Variants in CNTNAP3 observed in about 807,000 individuals in gnomAD.
The protein encoded by CNTNAP3 is contactin-associated protein-like 3.
Under a neutral mutation model 92.1 loss-of-function variants are expected in CNTNAP3, and 36 were observed. That is an observed-to-expected ratio of 0.39 (90% CI 0.30 to 0.52). The LOEUF is 0.52. Ranked by LOEUF, CNTNAP3 falls within the 20% of genes least tolerant of loss-of-function variation. CNTNAP3 has a pLI of 0.76. For synonymous variants in CNTNAP3, 232 were observed against 422.3 expected (o/e 0.55, Z 5.53); for missense variants, 534 against 1,069.6 (o/e 0.50, Z 6.98).
chr9:39,148,414 C>T (rs1421545476), intron 10 of CNTNAP3, among the ~76,000 whole-genome samples: 1 of 151,986 alleles, frequency 6.6e-6, no homozygotes, highest in Non-Finnish European at 1.5e-5. Context: ...AAATTAAAAC[C>T]TGTTTAGCCA....
chr9:39,118,009 C>A, intron 14 of CNTNAP3, 94 bp downstream of exon 14: 2 of 1,590,114 alleles, frequency 1.3e-6, no homozygotes, highest in East Asian at 2.2e-5. Flanking sequence ...ACTTTAGTTA[C>A]CTTATTGTAC....
intron 14 of CNTNAP3, among the ~76,000 whole-genome samples, chr9:39,115,888 G>T (rs1587715426): frequency 6.6e-6 from 1 of 151,312 alleles, no homozygotes; most frequent in South Asian, 2.1e-4. Flanking sequence ...ACTGCCCTAA[G>T]CATACGTGAA....
At position 39,067,753 on chromosome 9, in the gene CNTNAP3, A is replaced by G. The variant is rs1825541071; in HGVS notation, c.*6137T>C. Among the ~76,000 whole-genome samples, 1 of 152,312 alleles carries G rather than the reference A, an allele frequency of 6.6e-6. No individual in the cohort carries two copies. The highest frequency in any genetic ancestry group is 1.5e-5 in the Non-Finnish European group (1 of 68,058). ...CATGTGAACTTTGCTCAGAGATGCC[A>G]ATTAGTTATTGGAAACGGTTTGATC... On this transcript the variant is annotated 3_prime_UTR_variant, in exon 24 of 24. Coordinates refer to ENST00000297668, the MANE Select transcript of CNTNAP3 (RefSeq NM_033655.5).
chr9:39,124,865 C>T (rs1388913988), intron 13 of CNTNAP3, among the ~76,000 whole-genome samples: 7 of 152,046 alleles, frequency 4.6e-5, no homozygotes, highest in Admixed American at 3.3e-4. Flanking sequence ...ACAACAGGTG[C>T]AGGAGAGGAT....
At chr9:39,147,750 G>A (rs1021894405) in intron 10 of CNTNAP3, among the ~76,000 whole-genome samples, 1 of 152,216 alleles carries the variant, frequency 6.6e-6, no homozygotes, top group East Asian at 1.9e-4. Context: ...TGTAACTCTT[G>A]GGACTTTAAG....
rs1187241398 is a variant in CNTNAP3, at chr9:39,069,644, C to A, written c.*4246G>T. Among the ~76,000 whole-genome samples the A allele has an allele frequency of 3.3e-5, 5 of 152,406 alleles. No homozygotes were observed. The highest frequency in any genetic ancestry group is 9.6e-5 in the African/African-American group (4 of 41,586). ...GGAAGTAGTGCTTCAGTACATTTTC[C>A]CGACGATATGATTAATCCATAATAA... On this transcript the variant is annotated 3_prime_UTR_variant, in exon 24 of 24. Transcript: ENST00000297668.
intron 14 of CNTNAP3, among the ~76,000 whole-genome samples, chr9:39,112,909 A>T (rs939428620): frequency 3.9e-5 from 6 of 152,100 alleles, no homozygotes; most frequent in African/African-American, 1.4e-4. Context: ...TAATTTCCAT[A>T]TGAATTTTAA....
rs368796414 is a variant in CNTNAP3 at position 39,085,766 on chromosome 9, C to A, written c.3412G>T (p.Val1138Phe). The change falls in exon 21 of 24, where the codon GTC becomes TTC. Residue 1138 changes from valine (V) to phenylalanine (F), a missense_variant. Physicochemically the swap from Val to Phe is conservative, Grantham distance 50. Coordinates refer to ENST00000297668, the MANE Select transcript of CNTNAP3 (RefSeq NM_033655.5). ...ILSSGTEFNA[V>F]KSLILGKVLE... ...ACCTTTCCCAATATGAGAGATTTGA[C>A]GGCGTTGAATTCTGTCCCTGAGGAC... The A allele has an allele frequency of 1.2e-5, 18 of 1,562,208 alleles. No homozygotes were observed. Among genetic ancestry groups the A allele is most frequent in the Non-Finnish European group, 1.5e-5 (17 of 1,145,940 alleles).
At chr9:39,103,649 A>G in intron 16 of CNTNAP3, 95 bp downstream of exon 16, 2 of 1,364,058 alleles carry the variant, frequency 1.5e-6, no homozygotes, top group Non-Finnish European at 2.0e-6. Context: ...AAATAGAATC[A>G]CAAAATAAGA....
At chr9:39,086,977 T>C in intron 19 of CNTNAP3, 128 bp from the exon 20 acceptor site, 1 of 877,806 alleles carries the variant, frequency 1.1e-6, no homozygotes. Context: ...TCAATTTAGA[T>C]GCACCCAATA....
rs1477525935 is a variant in CNTNAP3 at position 39,214,088 on chromosome 9, T to C, written c.391-20813A>G. Reference sequence around the variant, plus strand: ...AGAAAGACAAGCCATTTGATATGAATGATTAATAAGGACATTAAGGAATAC... The same window carrying C: ...AGAAAGACAAGCCATTTGATATGAACGATTAATAAGGACATTAAGGAATAC... On this transcript the variant is annotated intron_variant, in intron 3 of 23. Coordinates refer to ENST00000297668, the MANE Select transcript of CNTNAP3 (RefSeq NM_033655.5). 1.1e-4 allele frequency among the ~76,000 whole-genome samples: 7 copies of C among 62,830 alleles called. 3 individuals are homozygous for C. The highest frequency in any genetic ancestry group is 7.9e-4 in the Admixed American group (4 of 5,042). 41.2% of individuals were successfully genotyped at this position (62,830 alleles called of 152,430 possible). A position where few individuals can be genotyped will look rare whatever the true frequency, so the allele number is the denominator to read the frequency against.
At chr9:39,133,361 C>A (rs1391138608) in intron 12 of CNTNAP3, among the ~76,000 whole-genome samples, 1 of 152,166 alleles carries the variant, frequency 6.6e-6, no homozygotes, top group Admixed American at 6.5e-5. Context: ...TTTGTGACGT[C>A]ACGCCTAAAA....
At chr9:39,084,197 T>TTTTG (rs754642993) in intron 21 of CNTNAP3, among the ~76,000 whole-genome samples, 19,975 of 121,708 alleles carry the variant, frequency 0.16, 1,505 homozygotes, top group East Asian at 0.36. Flanking sequence ...TCACCAAGTT[T>TTTTG]TTTTTTTTTT....
chr9:39,105,665 C>G (rs1232098515), intron 15 of CNTNAP3, among the ~76,000 whole-genome samples: 1 of 152,036 alleles, frequency 6.6e-6, no homozygotes, highest in East Asian at 1.9e-4. Context: ...ACAAAATGAT[C>G]CAGGCTCATC....
chr9:39,159,643 G>T lies in CNTNAP3; in HGVS notation c.1477+6290C>A, dbSNP rs1298225681. ...CACCACGCCTGGAGATAGATAGATA[G>T]ATAGATAGATAGATAGATAGATAGA... On this transcript the variant is annotated intron_variant, in intron 9 of 23. Transcript: ENST00000297668. The T allele has an allele frequency of 2.3e-3, 313 of 136,456 alleles. 5 individuals are homozygous for T. Among genetic ancestry groups the T allele is most frequent in the African/African-American group, 9.1e-3 (290 of 31,944 alleles). The allele number at this position is 136,456 out of a possible 1,614,324, so 8.5% of individuals were successfully genotyped here.
intron 14 of CNTNAP3, among the ~76,000 whole-genome samples, chr9:39,114,599 A>G (rs1489959050): frequency 2.6e-5 from 4 of 152,298 alleles, no homozygotes; most frequent in African/African-American, 9.6e-5. Flanking sequence ...CTGAGTGCTT[A>G]TATTTTATCT....
At chr9:39,156,467 AAAC>A (rs1239920937) in intron 9 of CNTNAP3, among the ~76,000 whole-genome samples, 1 of 25,136 alleles carries the variant, frequency 4.0e-5, no homozygotes, top group Non-Finnish European at 6.8e-5. Flanking sequence ...ATACGAAGAA[AAAC>A]AACAACAACA....
chr9:39,132,924 G>A lies in CNTNAP3; in HGVS notation c.2080+8C>T, dbSNP rs533123142. On this transcript the variant is annotated splice_region_variant and intron_variant, in intron 13 of 23. Transcript: ENST00000297668. ...TGAACCCCTGTAGCCTCCAGGAGTGGCGCTTACCTCGTGAGTCCGGGCGCC... is the reference window on the plus strand; with the variant it reads ...TGAACCCCTGTAGCCTCCAGGAGTGACGCTTACCTCGTGAGTCCGGGCGCC... The A allele has an allele frequency of 3.9e-6, 6 of 1,542,190 alleles. No individual in the cohort carries two copies. Among genetic ancestry groups the A allele is most frequent in the Non-Finnish European group, 2.6e-6 (3 of 1,153,704 alleles).
intron 15 of CNTNAP3, among the ~76,000 whole-genome samples, chr9:39,107,818 A>G (rs565723316): frequency 2.0e-5 from 3 of 152,244 alleles, no homozygotes; most frequent in Non-Finnish European, 4.4e-5. Flanking sequence ...TATTCAAAGC[A>G]TAATAAAAAC....
Sources: gnomAD v4.1 joint callset for allele counts (sites outside exome capture counted in the v4.1 genomes callset) on GRCh38, gnomAD v4.1.1 for gene constraint, MANE v1.5 for transcripts, NCBI Gene and HGNC (gene_info 2026-07-23, HGNC 2026-07-21) for gene names.